Variants in CEBPZ observed in about 807,000 individuals in gnomAD.
CEBPZ encodes the protein CCAAT/enhancer-binding protein zeta.
A neutral mutation model predicts 104.5 loss-of-function variants in CEBPZ; 78 were observed. That is an observed-to-expected ratio of 0.75 (90% CI 0.62 to 0.90). The LOEUF is 0.90. Ranked by LOEUF, CEBPZ falls within the 40% of genes least tolerant of loss-of-function variation. The pLI, the probability that CEBPZ is intolerant of heterozygous loss-of-function variation, is 0.00. For synonymous variants in CEBPZ, 470 were observed against 427.0 expected, an observed-to-expected ratio of 1.10 and a Z score of -1.24; for missense variants, 1,439 against 1,233.5, an observed-to-expected ratio of 1.17 and a Z score of -2.50.
intron 8 of CEBPZ, chr2:37,215,474 G>A (rs1427522165): frequency 6.6e-6 from 1 of 152,290 alleles, no homozygotes; most frequent in Non-Finnish European, 1.5e-5. Flanking sequence ...GACTCATCCT[G>A]AGTAAAAGGA....
intron 5 of CEBPZ, among the ~76,000 whole-genome samples, chr2:37,218,034 G>A (rs975593633): frequency 2.6e-5 from 4 of 151,796 alleles, no homozygotes; most frequent in Non-Finnish European, 5.9e-5. Flanking sequence ...TTGGGAGGCC[G>A]AGGCGGGCGG....
At position 37,231,428 on chromosome 2, in the gene CEBPZ, C is replaced by T. The variant is rs771348846; in HGVS notation, c.140G>A (p.Arg47Gln). 8.7e-6 allele frequency: 14 copies of T among 1,614,042 alleles called. No individual in the cohort carries two copies. The highest frequency in any genetic ancestry group is 1.3e-5 in the African/African-American group (1 of 74,922). ...ENGFSLEEVL[R>Q]LGGTKQDYLM... ...GGCCGTTACCTTGGTGCCTCCGAGC[C>T]GTAACACTTCCTCCAGGGAGAACCC... Residue 47 changes from arginine (R) to glutamine (Q), a missense_variant, in exon 1 of 16, where the codon CGG (arginine) becomes CAG (glutamine). By Grantham distance (43) the Arg-to-Gln change is conservative. Transcript: ENST00000234170.
At chr2:37,220,526 G>C in intron 4 of CEBPZ, 53 bp from the exon 5 acceptor site, 3 of 950,378 alleles carry the variant, frequency 3.2e-6, no homozygotes, top group Non-Finnish European at 4.8e-6. Context: ...CCTAGCCCAA[G>C]AGGTCATTAA....
chr2:37,205,433 A>AC (rs1411669271), intron 13 of CEBPZ, among the ~76,000 whole-genome samples: 1 of 151,738 alleles, frequency 6.6e-6, no homozygotes, highest in African/African-American at 2.4e-5. Context: ...GCACCTTGTG[A>AC]CCCCCACTCC....
intron 2 of CEBPZ, among the ~76,000 whole-genome samples, chr2:37,225,039 A>AAAACAAACAAAC (rs66609313): frequency 6.6e-6 from 1 of 151,182 alleles, no homozygotes; most frequent in Non-Finnish European, 1.5e-5. Flanking sequence ...ACCCCCCTTC[A>AAAACAAACAAAC]AAACAAACAA....
intron 1 of CEBPZ, 38 bp from the exon 2 acceptor site, chr2:37,229,074 G>C (rs1664968168): frequency 1.4e-6 from 2 of 1,384,886 alleles, no homozygotes; most frequent in East Asian, 5.1e-5. Flanking sequence ...CATTACAAAT[G>C]TGAAAAATAA....
Position 37,231,406 on chromosome 2 carries a change from C to CCG in CEBPZ, c.156+5_156+6insCG. ...GATCCCGTTCCCCGGAGCCCGCGGC[C>CCG]GTTACCTTGGTGCCTCCGAGCCGTA... On this transcript the variant is annotated splice_donor_region_variant and intron_variant, in intron 1 of 15. Coordinates refer to ENST00000234170, the MANE Select transcript of CEBPZ (RefSeq NM_005760.3). The CCG allele has an allele frequency of 6.2e-7, 1 of 1,613,852 alleles. No homozygotes were observed. Among genetic ancestry groups the CCG allele is most frequent in the Non-Finnish European group, 8.5e-7 (1 of 1,179,944 alleles).
At chr2:37,213,358 G>T (rs1416285980) in intron 10 of CEBPZ, 2 of 152,966 alleles carry the variant, frequency 1.3e-5, no homozygotes, top group African/African-American at 4.8e-5. Context: ...CACAAATCAT[G>T]TATTTTTCTG....
At chr2:37,221,277 T>A (rs1297439268) in intron 4 of CEBPZ, among the ~76,000 whole-genome samples, 1 of 152,146 alleles carries the variant, frequency 6.6e-6, no homozygotes, top group Non-Finnish European at 1.5e-5. Flanking sequence ...AATGGCCCAC[T>A]GTACTCCAGC....
At chr2:37,213,110 G>C (rs1302895619) in intron 10 of CEBPZ, among the ~76,000 whole-genome samples, 1 of 152,048 alleles carries the variant, frequency 6.6e-6, no homozygotes, top group Non-Finnish European at 1.5e-5. Context: ...ATCAGTGTAA[G>C]TCTTTCCAAT....
chr2:37,218,747 T>C (rs1476033754), intron 5 of CEBPZ, among the ~76,000 whole-genome samples: 1 of 151,908 alleles, frequency 6.6e-6, no homozygotes, highest in East Asian at 1.9e-4. Context: ...GTGCTAAAAA[T>C]AAAAAAATTA....
chr2:37,230,462 T>C (rs1221656325), intron 1 of CEBPZ, among the ~76,000 whole-genome samples: 3 of 152,238 alleles, frequency 2.0e-5, no homozygotes, highest in Non-Finnish European at 4.4e-5. Flanking sequence ...ACGTGTTTCA[T>C]GTGTATATAT....
At chr2:37,221,200 C>T (rs545415243) in intron 4 of CEBPZ, among the ~76,000 whole-genome samples, 10 of 152,104 alleles carry the variant, frequency 6.6e-5, no homozygotes, top group East Asian at 1.9e-4. Flanking sequence ...CCTGTAGTCC[C>T]GGCTACCTGG....
chr2:37,207,408 A>G (rs771649510), intron 13 of CEBPZ, among the ~76,000 whole-genome samples: 1 of 152,212 alleles, frequency 6.6e-6, no homozygotes, highest in Admixed American at 6.5e-5. Flanking sequence ...TAGGCCACAA[A>G]ACAAGTCTCA....
Position 37,228,733 on chromosome 2 carries a change from T to C in CEBPZ, c.460A>G (p.Ser154Gly). The change falls in exon 2 of 16, where the codon AGT becomes GGT. Residue 154 changes from serine (S) to glycine (G), a missense_variant. By Grantham distance (56) the Ser-to-Gly change is moderately conservative. Transcript: ENST00000234170. ...RPEPHSDENG[S>G]TTPKVKKDKQ... ...TCTTTCTTTACTTTCGGTGTGGTACTGCCATTCTCATCAGAATGTGGTTCT... is the reference window on the plus strand; with the variant it reads ...TCTTTCTTTACTTTCGGTGTGGTACCGCCATTCTCATCAGAATGTGGTTCT... 1 of 1,614,212 alleles carries C rather than the reference T, an allele frequency of 6.2e-7. No homozygotes were observed. The highest frequency in any genetic ancestry group is 8.5e-7 in the Non-Finnish European group (1 of 1,180,014).
Position 37,222,417 on chromosome 2 carries a change from T to C in CEBPZ, c.2028A>G (p.Pro676=). 3 of 1,598,774 alleles carry C rather than the reference T, an allele frequency of 1.9e-6. No individual in the cohort carries two copies. The highest frequency in any genetic ancestry group is 2.6e-6 in the Non-Finnish European group (3 of 1,175,476). ...VPETDVETKK[P]EVASWVHFDN... ...CAAAGTGCACCCAGGAAGCAACCTC[T>C]GGTTTTTTGGTTTCTACATCAGTTT... Residue 676 remains proline (P), a synonymous_variant, in exon 4 of 16, where the codon CCA becomes CCG. Transcript: ENST00000234170.
chr2:37,201,795 G>C lies in CEBPZ; in HGVS notation c.3134C>G (p.Thr1045Ser), dbSNP rs1677254992. Residue 1045 changes from threonine to serine, a missense_variant, in exon 16 of 16, where the codon ACC becomes AGC. Coordinates refer to ENST00000234170, the MANE Select transcript of CEBPZ (RefSeq NM_005760.3). ...KKHFKKKRIK[T>S]TQKTKKQRK Reference sequence around the variant, plus strand: ...CCTTTGTTTTTTAGTTTTTTGAGTGGTTTTAATCCTCTTCTTTTTAAAATG... The same window carrying C: ...CCTTTGTTTTTTAGTTTTTTGAGTGCTTTTAATCCTCTTCTTTTTAAAATG... The C allele has an allele frequency of 6.5e-7, 1 of 1,545,584 alleles. No individual in the cohort carries two copies. The highest frequency in any genetic ancestry group is 8.9e-7 in the Non-Finnish European group (1 of 1,117,644).
In CEBPZ at chr2:37,227,538, T is replaced by C; in HGVS notation, c.1649+6A>G. The C allele has an allele frequency of 6.3e-7, 1 of 1,596,098 alleles. No homozygotes were observed. Among genetic ancestry groups the C allele is most frequent in the South Asian group, 1.1e-5 (1 of 87,078 alleles). ...CATGTCTCATATTGGAAGGGTATGT[T>C]CTTACCTGTATAATGCTGTGTAATA... On this transcript the variant is annotated splice_donor_region_variant and intron_variant, in intron 2 of 15. Transcript: ENST00000234170.
Position 37,216,151 on chromosome 2 carries a change from C to A in CEBPZ, c.2369G>T (p.Arg790Leu). The A allele has an allele frequency of 6.2e-7, 1 of 1,610,902 alleles. No homozygotes were observed. The highest frequency in any genetic ancestry group is 1.1e-5 in the South Asian group (1 of 90,834). Residue 790 changes from arginine to leucine, a missense_variant, in exon 8 of 16, where the codon CGT becomes CTT. Transcript: ENST00000234170. ...AGGTTTATACTTACCAGGAAGATGA[C>A]GAATATCCTTAATAAAATGTTTTCT... is the stretch of plus-strand genomic sequence containing the variant. ...PKRKHFIKDI[R>L]HLPVNSKEFL... is the part of the protein sequence containing the mutation.
Sources: allele counts gnomAD v4.1 joint callset (sites outside exome capture counted in the v4.1 genomes callset), GRCh38; gene constraint gnomAD v4.1.1; transcripts MANE v1.5; gene names NCBI Gene and HGNC (gene_info 2026-07-23, HGNC 2026-07-21).